Variants in APOL5 observed in about 807,000 individuals in gnomAD.
APOL5 encodes apolipoprotein L, 5.
A neutral mutation model predicts 35.5 loss-of-function variants in APOL5; 29 were observed. The ratio of observed to expected loss-of-function variants is 0.82; its 90% CI spans 0.61 to 1.11. APOL5 has a LOEUF of 1.11. Among genes scored for constraint, APOL5 ranks in the 50% most tolerant of loss-of-function variants. The pLI is 0.00. For synonymous variants in APOL5, 188 were observed against 200.2 expected, an observed-to-expected ratio of 0.94 and a Z score of 0.51; for missense variants, 514 against 530.4, an observed-to-expected ratio of 0.97 and a Z score of 0.30.
At chr22:35,718,620 C>G (rs537605531) in intron 1 of APOL5, among the ~76,000 whole-genome samples, 2 of 137,498 alleles carry the variant, frequency 1.5e-5, no homozygotes, top group Admixed American at 1.5e-4. Context: ...AAAAAAAAGA[C>G]GCCAAAGTGC....
chr22:35,709,565 C>T, the APOL5 span, among the ~76,000 whole-genome samples: 5 of 152,200 alleles, frequency 3.3e-5, no homozygotes, highest in African/African-American at 4.8e-5. Flanking sequence ...ATTCAGCAAC[C>T]ATTTTTCCTG....
chr22:35,723,324 G>C (rs1217989967), intron 2 of APOL5, among the ~76,000 whole-genome samples: 1 of 152,136 alleles, frequency 6.6e-6, no homozygotes, highest in Non-Finnish European at 1.5e-5. Flanking sequence ...GTCAAACCCT[G>C]TTACGTGCTG....
Position 35,727,206 on chromosome 22 carries a change from G to A in APOL5, c.1126+12G>A. 6.3e-7 allele frequency: 1 copy of A among 1,590,216 alleles called. No individual in the cohort carries two copies. The highest frequency in any genetic ancestry group is 8.5e-7 in the Non-Finnish European group (1 of 1,174,430). On this transcript the variant is annotated intron_variant, in intron 3 of 4. Coordinates refer to ENST00000249044, the MANE Select transcript of APOL5 (RefSeq NM_030642.1). ...GGTTAAACCAGAAGGTAGGAAGGCA[G>A]CGAATAACACGGACGTGGTCTTGCT...
At chr22:35,720,965 T>C (rs936702748) in intron 2 of APOL5, among the ~76,000 whole-genome samples, 3 of 152,208 alleles carry the variant, frequency 2.0e-5, no homozygotes, top group Admixed American at 6.5e-5. Context: ...AGGCTGGTCT[T>C]GAACTCCTGA....
chr22:35,727,564 A>G (rs1927215197), intron 3 of APOL5, among the ~76,000 whole-genome samples: 1 of 152,114 alleles, frequency 6.6e-6, no homozygotes, highest in African/African-American at 2.4e-5. Flanking sequence ...AGATGACATC[A>G]TAGGAAGTCG....
chr22:35,714,288 G>C (rs1926675163), upstream of APOL5, among the ~76,000 whole-genome samples: 1 of 152,088 alleles, frequency 6.6e-6, no homozygotes, highest in Admixed American at 6.5e-5. Flanking sequence ...TTCCAGCCTG[G>C]ATGACAGAGC....
intron 2 of APOL5, among the ~76,000 whole-genome samples, chr22:35,723,480 A>G (rs912648189): frequency 6.6e-6 from 1 of 152,234 alleles, no homozygotes; most frequent in Non-Finnish European, 1.5e-5. Context: ...ATGATTCAAC[A>G]GGAAAATTGA....
At chr22:35,724,347 C>T (rs1927078369) in intron 2 of APOL5, among the ~76,000 whole-genome samples, 1 of 148,484 alleles carries the variant, frequency 6.7e-6, no homozygotes, top group African/African-American at 2.5e-5. Flanking sequence ...AGGTTCCCTG[C>T]CCAGAAGCAA....
In APOL5 at chr22:35,726,955, C is replaced by T. The variant is rs1192773487; in HGVS notation, c.887C>T (p.Ala296Val). The change falls in exon 3 of 5, where the codon GCT (alanine) becomes GTT (valine). Residue 296 changes from alanine to valine, a missense_variant. By Grantham distance (64) the Ala-to-Val change is moderately conservative (BLOSUM62 0). Around this residue, in one of 3 missense-constraint regions of APOL5, gnomAD observed 238 missense variants for 229.1 expected, o/e 1.04. Transcript: ENST00000249044. ...AMTNGAWVMG[A>V]AGAGFLLMKD... The stretch of plus-strand genomic sequence containing the variant: ...ACCAATGGTGCCTGGGTGATGGGTG[C>T]TGCTGGGGCTGGCTTCTTACTTATG... The T allele has an allele frequency of 5.0e-6, 8 of 1,614,074 alleles. No homozygotes were observed. The highest frequency in any genetic ancestry group is 6.8e-6 in the Non-Finnish European group (8 of 1,180,044).
At chr22:35,710,026 C>G in the APOL5 span, among the ~76,000 whole-genome samples, 2 of 151,230 alleles carry the variant, frequency 1.3e-5, no homozygotes, top group Admixed American at 6.6e-5. Flanking sequence ...CATCAGCTTG[C>G]TGGCAGCATG....
At chr22:35,728,372 C>T (rs1204597312) in intron 3 of APOL5, among the ~76,000 whole-genome samples, 1 of 152,180 alleles carries the variant, frequency 6.6e-6, no homozygotes, top group Admixed American at 6.5e-5. Flanking sequence ...TACAGGCGCC[C>T]GCCACGACGC....
chr22:35,726,417 A>G lies in APOL5; in HGVS notation c.349A>G (p.Ile117Val). 2 of 1,614,184 alleles carry G rather than the reference A, an allele frequency of 1.2e-6. No homozygotes were observed. The highest frequency in any genetic ancestry group is 1.7e-6 in the Non-Finnish European group (2 of 1,180,048). ...GCACAAGTTTGAGCTAGAACAGAAC[A>G]TCAAAGAACTTAACACCCTTGCGGA... ...PLHKFELEQNIKELNTLADQV... is the reference protein window; with the variant it reads ...PLHKFELEQNVKELNTLADQV... The change falls in exon 3 of 5, where the codon ATC becomes GTC. Residue 117 changes from isoleucine (I) to valine (V), a missense_variant. Ile to Val is a conservative substitution (Grantham distance 29, BLOSUM62 3). This residue lies in a region of APOL5 where 254 missense variants were observed against 254.7 expected (regional missense o/e 1.00). Transcript: ENST00000249044.
chr22:35,717,235 A>AAAAATATATATATATATAT, upstream of APOL5, among the ~76,000 whole-genome samples: 5 of 57,660 alleles, frequency 8.7e-5, no homozygotes, highest in African/African-American at 4.0e-4. Context: ...AAAAAAAAAA[A>AAAAATATATATATATATAT]ATATATATAT....
intron 3 of APOL5, 119 bp downstream of exon 3, chr22:35,727,313 CAA>C (rs998120482): frequency 2.8e-6 from 4 of 1,424,616 alleles, no homozygotes; most frequent in Non-Finnish European, 3.7e-6. Context: ...GCCCCTTCTG[CAA>C]AGAGAGGACT....
chr22:35,710,899 G>A, the APOL5 span, among the ~76,000 whole-genome samples: 1 of 152,338 alleles, frequency 6.6e-6, no homozygotes, highest in Middle Eastern at 3.4e-3. Flanking sequence ...AGGCGCAGTG[G>A]CTCACGCCTG....
At chr22:35,720,433 AT>A in intron 1 of APOL5, 134 bp from the exon 2 acceptor site, 1 of 673,214 alleles carries the variant, frequency 1.5e-6, no homozygotes, top group South Asian at 2.1e-5. Flanking sequence ...AGACATTAAG[AT>A]TTTTGTTGTA....
chr22:35,722,385 C>T (rs1325614319), intron 2 of APOL5, among the ~76,000 whole-genome samples: 1 of 152,210 alleles, frequency 6.6e-6, no homozygotes, highest in East Asian at 1.9e-4. Context: ...TCACTGCAAC[C>T]TCTGCCTCCC....
rs759275735 is a variant in APOL5, at chr22:35,728,878, C to T, written c.1282C>T (p.Pro428Ser). 6.2e-7 allele frequency: 1 copy of T among 1,606,116 alleles called. No individual in the cohort carries two copies. The highest frequency in any genetic ancestry group is 1.1e-5 in the South Asian group (1 of 89,618). ...PAPARKGRQA[P>S]GRHRQ Reference sequence around the variant, plus strand: ...ACCAGCAAGAAAGGGGAGACAGGCCCCGGGAAGACACCGACAATGAGAAGA... The same window carrying T: ...ACCAGCAAGAAAGGGGAGACAGGCCTCGGGAAGACACCGACAATGAGAAGA... Residue 428 changes from proline to serine, a missense_variant, in exon 4 of 5, where the codon CCG becomes TCG. By Grantham distance (74) the Pro-to-Ser change is moderately conservative (BLOSUM62 -1). Coordinates refer to ENST00000249044, the MANE Select transcript of APOL5 (RefSeq NM_030642.1).
At chr22:35,717,776 A>AAATAGGTGAGG, upstream of APOL5, 1 of 692,334 alleles carries the variant, frequency 1.4e-6, no homozygotes, top group Non-Finnish European at 2.1e-6. Context: ...AAGAAAAAAA[A>AAATAGGTGAGG]ATAGGTGAGG....
Sources: gnomAD v4.1 joint callset for allele counts (sites outside exome capture counted in the v4.1 genomes callset) on GRCh38, gnomAD v4.1.1 for gene constraint, gnomAD v4.1.1 regional missense constraint, MANE v1.5 for transcripts, NCBI Gene and HGNC (gene_info 2026-07-23, HGNC 2026-07-21) for gene names.